Variants in DAPP1 observed in about 807,000 individuals in gnomAD.
DAPP1 encodes dual adaptor of phosphotyrosine and 3-phosphoinositides 1.
A neutral mutation model predicts 41.5 loss-of-function variants in DAPP1; 20 were observed. That is an observed-to-expected ratio of 0.48 (90% CI 0.34 to 0.70). DAPP1 has a LOEUF of 0.70. Among genes scored for constraint, DAPP1 ranks in the 30% least tolerant of loss-of-function variants. The pLI is 0.01. For missense variants in DAPP1, 233 were observed against 333.4 expected (o/e 0.70, Z 2.35); for synonymous variants, 113 against 116.2 (o/e 0.97, Z 0.18).
At chr4:99,827,331 G>A (rs959333144) in intron 1 of DAPP1, among the ~76,000 whole-genome samples, 3 of 151,814 alleles carry the variant, frequency 2.0e-5, no homozygotes, top group Non-Finnish European at 4.4e-5. Context: ...TCAGGAGATC[G>A]AGACCATCCT....
chr4:99,835,582 A>G, intron 1 of DAPP1, 41 bp from the exon 2 acceptor site: 3 of 1,603,480 alleles, frequency 1.9e-6, no homozygotes, highest in South Asian at 1.1e-5. Context: ...GAGTCATGCC[A>G]TGGTTTGGCC....
chr4:99,819,417 AT>A (rs1560684365), intron 1 of DAPP1, among the ~76,000 whole-genome samples: 1 of 152,220 alleles, frequency 6.6e-6, no homozygotes, highest in African/African-American at 2.4e-5. Flanking sequence ...CGAATTGAAT[AT>A]TTAATAATCA....
rs376110772 is a variant in DAPP1 at position 99,835,603 on chromosome 4, C to T, written c.102-20C>T. The T allele has an allele frequency of 5.7e-5, 91 of 1,610,402 alleles. 1 individual carries two copies. The highest frequency in any genetic ancestry group is 5.6e-4 in the South Asian group (51 of 90,914). The stretch of plus-strand genomic sequence containing the variant: ...TGCCATGGTTTGGCCTGAGTGAAAG[C>T]GCTGTTCCCTCCTTTCTAGGTGGTA... On this transcript the variant is annotated intron_variant, in intron 1 of 8. Coordinates refer to ENST00000512369, the MANE Select transcript of DAPP1 (RefSeq NM_014395.3).
chr4:99,863,120 A>G, intron 6 of DAPP1, 48 bp downstream of exon 6: 2 of 1,269,196 alleles, frequency 1.6e-6, no homozygotes, highest in Non-Finnish European at 1.1e-6. Flanking sequence ...AATTCTCTAG[A>G]TGAAAGAAAC....
chr4:99,863,727 T>C (rs762639725), intron 6 of DAPP1, 43 bp from the exon 7 acceptor site: 1 of 1,243,754 alleles, frequency 8.0e-7, no homozygotes, highest in Non-Finnish European at 1.1e-6. Context: ...TGTTTTTTTT[T>C]TTTTTTTTAA....
At chr4:99,847,367 A>AG (rs1723701290) in intron 3 of DAPP1, among the ~76,000 whole-genome samples, 3 of 152,186 alleles carry the variant, frequency 2.0e-5, no homozygotes, top group Non-Finnish European at 2.9e-5. Context: ...AGGGTCCTTC[A>AG]ATGCAATTTC....
chr4:99,829,491 AG>A (rs1723049680), intron 1 of DAPP1, among the ~76,000 whole-genome samples: 1 of 152,100 alleles, frequency 6.6e-6, no homozygotes, highest in Admixed American at 6.6e-5. Flanking sequence ...AAAAAAAAAA[AG>A]AAAGTTTTTT....
At chr4:99,821,841 A>G (rs1272832006) in intron 1 of DAPP1, among the ~76,000 whole-genome samples, 1 of 152,222 alleles carries the variant, frequency 6.6e-6, no homozygotes, top group Non-Finnish European at 1.5e-5. Flanking sequence ...TCCTCACATA[A>G]TATACATGCA....
Position 99,835,839 on chromosome 4 carries a change from C to T in DAPP1, c.224+94C>T, listed in dbSNP as rs570570451. 43 of 1,505,244 alleles carry T rather than the reference C, an allele frequency of 2.9e-5. No individual in the cohort carries two copies. In the South Asian group the frequency reaches 4.3e-4, roughly 15 times the overall value. 93.2% of individuals were successfully genotyped at this position (1,505,244 alleles called of 1,614,324 possible). A position where few individuals can be genotyped will look rare whatever the true frequency, so the allele number is the denominator to read the frequency against. On this transcript the variant is annotated intron_variant, in intron 2 of 8. Transcript: ENST00000512369. ...CAAATTGCCAGACAGCAAAACTTCC[C>T]AATTCCTGTTGGACCACCAGGTTAA...
intron 2 of DAPP1, 33 bp from the exon 3 acceptor site, chr4:99,840,256 A>G: frequency 7.3e-7 from 1 of 1,373,010 alleles, no homozygotes; most frequent in Non-Finnish European, 9.9e-7. Context: ...TTTATTTGTT[A>G]AATAATATTA....
intron 4 of DAPP1, among the ~76,000 whole-genome samples, chr4:99,858,115 G>T (rs1371775732): frequency 6.6e-6 from 1 of 152,126 alleles, no homozygotes; most frequent in Non-Finnish European, 1.5e-5. Flanking sequence ...TAACATTGAG[G>T]CTGTGCCACT....
Position 99,816,855 on chromosome 4 carries a change from G to A in DAPP1, c.-59G>A, listed in dbSNP as rs1424755921. The stretch of plus-strand genomic sequence containing the variant: ...ATAGCAGGCTGCTGTCTCACAGAGC[G>A]AGAAGGTGTCAGGAGCAGCCCAGTT... On this transcript the variant is annotated 5_prime_UTR_variant, in exon 1 of 9. Coordinates refer to ENST00000512369, the MANE Select transcript of DAPP1 (RefSeq NM_014395.3). The A allele has an allele frequency of 9.7e-6, 14 of 1,450,246 alleles. No individual in the cohort carries two copies. Among genetic ancestry groups the A allele is most frequent in the Middle Eastern group, 1.8e-4 (1 of 5,510 alleles). The allele number at this position is 1,450,246 out of a possible 1,614,324, so 89.8% of individuals were successfully genotyped here. A position where few individuals can be genotyped will look rare whatever the true frequency, so the allele number is the denominator to read the frequency against.
intron 4 of DAPP1, among the ~76,000 whole-genome samples, chr4:99,859,448 G>A (rs1012226508): frequency 6.6e-6 from 1 of 152,076 alleles, no homozygotes; most frequent in Non-Finnish European, 1.5e-5. Flanking sequence ...AAATATGTAT[G>A]TATATACATA....
intron 8 of DAPP1, chr4:99,866,735 T>A: frequency 1.8e-6 from 1 of 558,530 alleles, no homozygotes; most frequent in Non-Finnish European, 3.2e-6. Context: ...ATAAATACCA[T>A]CTTAAAAACT....
chr4:99,833,655 G>T (rs187000134), intron 1 of DAPP1, among the ~76,000 whole-genome samples: 212 of 152,258 alleles, frequency 1.4e-3, no homozygotes, highest in African/African-American at 4.9e-3. Context: ...GACATTATTT[G>T]TATAATTGCC....
In DAPP1 at chr4:99,863,817, A is replaced by G; in HGVS notation, c.648A>G (p.Val216=). Residue 216 remains valine (V), a synonymous_variant, in exon 7 of 9, where the codon GTA becomes GTG. Coordinates refer to ENST00000512369, the MANE Select transcript of DAPP1 (RefSeq NM_014395.3). ...RILDLTECSA[V]QFDYSQERVN... The stretch of plus-strand genomic sequence containing the variant: ...TAGACCTAACAGAATGTTCAGCTGT[A>G]CAATTCGATTATTCACAAGAAAGGG... 1 of 1,602,532 alleles carries G rather than the reference A, an allele frequency of 6.2e-7. No individual in the cohort carries two copies. The highest frequency in any genetic ancestry group is 8.5e-7 in the Non-Finnish European group (1 of 1,173,928).
intron 3 of DAPP1, among the ~76,000 whole-genome samples, chr4:99,848,966 C>T (rs1723764039): frequency 6.6e-6 from 1 of 152,158 alleles, no homozygotes; most frequent in Non-Finnish European, 1.5e-5. Context: ...AGCCTCACAG[C>T]CATGCCAAGA....
chr4:99,850,426 CA>C (rs1723815340), intron 3 of DAPP1, among the ~76,000 whole-genome samples: 1 of 151,810 alleles, frequency 6.6e-6, no homozygotes, highest in Non-Finnish European at 1.5e-5. Flanking sequence ...AAAAAATTAA[CA>C]CAGGTATTAT....
At chr4:99,850,384 T>A (rs1045847746) in intron 3 of DAPP1, among the ~76,000 whole-genome samples, 21 of 151,784 alleles carry the variant, frequency 1.4e-4, no homozygotes, top group African/African-American at 5.1e-4. Context: ...CACTCCAGCC[T>A]GGGTGACAGA....
Sources: allele counts gnomAD v4.1 joint callset (sites outside exome capture counted in the v4.1 genomes callset), GRCh38; gene constraint gnomAD v4.1.1; transcripts MANE v1.5; gene names NCBI Gene and HGNC (gene_info 2026-07-23, HGNC 2026-07-21).